GAPVD1: variants seen among roughly 807,000 people sequenced by gnomAD.
GAPVD1 encodes GTPase-activating protein and VPS9 domain-containing protein 1.
In GAPVD1, 35 loss-of-function variants were observed where a neutral mutation model predicts 155.5. That is an observed-to-expected ratio of 0.23 (90% CI 0.17 to 0.30). The LOEUF is 0.30. Among genes scored for constraint, GAPVD1 ranks in the 10% least tolerant of loss-of-function variants. The pLI, the probability that GAPVD1 is intolerant of heterozygous loss-of-function variation, is 1.00. For missense variants in GAPVD1, 1,429 were observed against 1,775.7 expected, an observed-to-expected ratio of 0.80 and a Z score of 3.51; for synonymous variants, 636 against 619.7, an observed-to-expected ratio of 1.03 and a Z score of -0.39.
At chr9:125,298,682 G>A (rs969454356) in intron 3 of GAPVD1, among the ~76,000 whole-genome samples, 1 of 151,658 alleles carries the variant, frequency 6.6e-6, no homozygotes, top group Non-Finnish European at 1.5e-5. Context: ...AGAGACAGGG[G>A]TTTCACCATG....
rs949271919 is a variant in GAPVD1 at position 125,363,433 on chromosome 9, A to G, written c.*687A>G. The G allele has an allele frequency of 6.6e-6, 1 of 152,236 alleles. No individual in the cohort carries two copies. The highest frequency in any genetic ancestry group is 1.5e-5 in the Non-Finnish European group (1 of 68,044). The allele number at this position is 152,236 out of a possible 1,614,324, so 9.4% of individuals were successfully genotyped here. On this transcript the variant is annotated 3_prime_UTR_variant, in exon 28 of 28. Coordinates refer to ENST00000297933, the MANE Select transcript of GAPVD1 (RefSeq NM_001282680.3). ...TACACAGAAATATTTATTAAAATGT[A>G]ATACAGTTTATTGAACTTTCTAGGT...
At chr9:125,344,501 C>T (rs1242476067) in intron 19 of GAPVD1, among the ~76,000 whole-genome samples, 2 of 151,996 alleles carry the variant, frequency 1.3e-5, no homozygotes, top group Non-Finnish European at 2.9e-5. Flanking sequence ...ATATAAATTG[C>T]ATTTTTTGTT....
Position 125,349,375 on chromosome 9 carries a change from G to A in GAPVD1, c.3170-15G>A, listed in dbSNP as rs529215171. 3 of 1,607,022 alleles carry A rather than the reference G, an allele frequency of 1.9e-6. No homozygotes were observed. Among genetic ancestry groups the A allele is most frequent in the East Asian group, 2.2e-5 (1 of 44,710 alleles). ...GAACCTGGGTATCCGTTTCTTGGGG[G>A]TGGGTTTTGTTTAGAGGTTATGGGT... On this transcript the variant is annotated splice_polypyrimidine_tract_variant and intron_variant, in intron 20 of 27. Coordinates refer to ENST00000297933, the MANE Select transcript of GAPVD1 (RefSeq NM_001282680.3).
intron 17 of GAPVD1, among the ~76,000 whole-genome samples, chr9:125,340,535 A>G (rs1000094697): frequency 1.3e-4 from 20 of 152,180 alleles, no homozygotes; most frequent in African/African-American, 4.8e-4. Flanking sequence ...TAAAGATTAA[A>G]TGAGATTATA....
intron 2 of GAPVD1, among the ~76,000 whole-genome samples, chr9:125,273,899 A>G (rs1430897166): frequency 6.6e-6 from 1 of 152,042 alleles, no homozygotes; most frequent in African/African-American, 2.4e-5. Flanking sequence ...TTTCCAAGAA[A>G]ATGGCGCTAA....
At chr9:125,339,919 T>C (rs1158462333) in intron 17 of GAPVD1, among the ~76,000 whole-genome samples, 2 of 152,238 alleles carry the variant, frequency 1.3e-5, no homozygotes, top group African/African-American at 4.8e-5. Flanking sequence ...GATAATTCTT[T>C]ATCCCAGGTA....
Position 125,365,989 on chromosome 9 carries a change from T to C in GAPVD1, c.*3243T>C, listed in dbSNP as rs768000747. The C allele has an allele frequency of 1.3e-5, 2 of 152,250 alleles. No homozygotes were observed. The highest frequency in any genetic ancestry group is 2.9e-5 in the Non-Finnish European group (2 of 68,042). 9.4% of individuals were successfully genotyped at this position (152,250 alleles called of 1,614,324 possible). A position where few individuals can be genotyped will look rare whatever the true frequency, so the allele number is the denominator to read the frequency against. On this transcript the variant is annotated 3_prime_UTR_variant, in exon 28 of 28. Coordinates refer to ENST00000297933, the MANE Select transcript of GAPVD1 (RefSeq NM_001282680.3). Reference sequence around the variant, plus strand: ...AACGTGTCAAACATTTTGCTTTCTTTCTCCATTTTAGGTAAAATCTCAGCC... The same window carrying C: ...AACGTGTCAAACATTTTGCTTTCTTCCTCCATTTTAGGTAAAATCTCAGCC...
Position 125,337,307 on chromosome 9 carries a change from G to A in GAPVD1, c.2593G>A (p.Gly865Arg), listed in dbSNP as rs772932162. The A allele has an allele frequency of 1.2e-6, 2 of 1,614,182 alleles. No individual in the cohort carries two copies. Among genetic ancestry groups the A allele is most frequent in the South Asian group, 1.1e-5 (1 of 91,086 alleles). The stretch of plus-strand genomic sequence containing the variant: ...TCCCCCAATCCTGGAAGGAGCTGTG[G>A]GAGGAAATGAGGCCAGGTTGCCAAA... Reference protein sequence around the residue: ...PDPPILEGAVGGNEARLPNFG... With the variant: ...PDPPILEGAVRGNEARLPNFG... The change falls in exon 17 of 28, where the codon GGA becomes AGA. Residue 865 changes from glycine (G) to arginine (R), a missense_variant. Physicochemically the swap from Gly to Arg is moderately radical, Grantham distance 125 (BLOSUM62 -2). Coordinates refer to ENST00000297933, the MANE Select transcript of GAPVD1 (RefSeq NM_001282680.3).
chr9:125,305,421 G>A (rs969612346), intron 6 of GAPVD1, among the ~76,000 whole-genome samples: 8 of 149,556 alleles, frequency 5.3e-5, no homozygotes, highest in South Asian at 2.1e-4. Flanking sequence ...TCGCCCAGGC[G>A]GAGTGCAGTG....
intron 25 of GAPVD1, among the ~76,000 whole-genome samples, chr9:125,359,128 G>A (rs1850548495): frequency 6.6e-6 from 1 of 151,718 alleles, no homozygotes; most frequent in South Asian, 2.1e-4. Context: ...ACAAAATAAT[G>A]TGTCCAAGCA....
intron 11 of GAPVD1, among the ~76,000 whole-genome samples, chr9:125,324,245 G>A (rs1255019242): frequency 6.6e-6 from 1 of 152,160 alleles, no homozygotes; most frequent in African/African-American, 2.4e-5. Context: ...TTGATTTAAA[G>A]TATCATGAAA....
At chr9:125,342,570 CA>C (rs1847970503) in intron 19 of GAPVD1, among the ~76,000 whole-genome samples, 1 of 152,222 alleles carries the variant, frequency 6.6e-6, no homozygotes. Flanking sequence ...GCATACCCTA[CA>C]ACTCAACATC....
chr9:125,323,702 T>TAA, intron 10 of GAPVD1, 96 bp from the exon 11 acceptor site: 2 of 1,177,722 alleles, frequency 1.7e-6, no homozygotes, highest in Non-Finnish European at 1.3e-6. Context: ...TAAAAACACT[T>TAA]TAATCAGTTG....
intron 9 of GAPVD1, among the ~76,000 whole-genome samples, chr9:125,315,221 C>A (rs906218857): frequency 3.3e-5 from 5 of 152,160 alleles, no homozygotes; most frequent in African/African-American, 1.2e-4. Context: ...CATGATACCC[C>A]ATAGGGAAGA....
chr9:125,362,594 T>A lies in GAPVD1; in HGVS notation c.4243-12T>A. ...TGAGTAATTGATTCTTTTTTATTTT[T>A]CACTTCTCTAGGCAAATCCACCCTG... On this transcript the variant is annotated splice_polypyrimidine_tract_variant and intron_variant, in intron 27 of 27. Coordinates refer to ENST00000297933, the MANE Select transcript of GAPVD1 (RefSeq NM_001282680.3). 1 of 1,579,070 alleles carries A rather than the reference T, an allele frequency of 6.3e-7. No individual in the cohort carries two copies. Among genetic ancestry groups the A allele is most frequent in the Admixed American group, 1.9e-5 (1 of 53,348 alleles).
intron 11 of GAPVD1, among the ~76,000 whole-genome samples, 177 bp from the exon 12 acceptor site, chr9:125,326,239 C>A (rs1845163453): frequency 6.6e-6 from 1 of 152,184 alleles, no homozygotes. Flanking sequence ...ATTGATAGGC[C>A]AGGCACAGTG....
chr9:125,308,864 G>A (rs1842257765), intron 8 of GAPVD1: 1 of 152,174 alleles, frequency 6.6e-6, no homozygotes, highest in African/African-American at 2.4e-5. Context: ...AGCGTTCTGA[G>A]GAGATAAATA....
At chr9:125,337,154 C>A (rs1847152826) in intron 16 of GAPVD1, 59 bp downstream of exon 16, 1 of 1,601,388 alleles carries the variant, frequency 6.2e-7, no homozygotes, top group East Asian at 2.2e-5. Flanking sequence ...GAAACCAAAT[C>A]CCCTTGTTAA....
chr9:125,323,668 G>GT (rs1275357453), intron 10 of GAPVD1, 130 bp from the exon 11 acceptor site: 13 of 838,806 alleles, frequency 1.5e-5, no homozygotes, highest in Non-Finnish European at 2.3e-5. Flanking sequence ...AAGGGCATGT[G>GT]TTTTTTTAAG....
Sources: allele counts gnomAD v4.1 joint callset (sites outside exome capture counted in the v4.1 genomes callset), GRCh38; gene constraint gnomAD v4.1.1; transcripts MANE v1.5; gene names NCBI Gene and HGNC (gene_info 2026-07-23, HGNC 2026-07-21).